Variants in IQGAP2 observed in about 807,000 individuals in gnomAD.
The protein encoded by IQGAP2 is IQ motif containing GTPase activating protein 2.
Under a neutral mutation model 201.3 loss-of-function variants are expected in IQGAP2, and 173 were observed. That is an observed-to-expected ratio of 0.86 (90% CI 0.76 to 0.98). IQGAP2 has a LOEUF of 0.98. Ranked by LOEUF, IQGAP2 falls within the 50% of genes least tolerant of loss-of-function variation. The pLI is 0.00. For missense variants in IQGAP2, 1,687 were observed against 1,864.8 expected (o/e 0.90, Z 1.76); for synonymous variants, 675 against 673.9 (o/e 1.00, Z -0.03).
chr5:76,649,835 C>G (rs1752373582), intron 17 of IQGAP2, among the ~76,000 whole-genome samples: 1 of 152,208 alleles, frequency 6.6e-6, no homozygotes, highest in Non-Finnish European at 1.5e-5. Context: ...AGGCTTCTGC[C>G]TGGACACCCA....
At chr5:76,539,119 G>T (rs1438345614) in intron 2 of IQGAP2, among the ~76,000 whole-genome samples, 1 of 152,198 alleles carries the variant, frequency 6.6e-6, no homozygotes, top group Non-Finnish European at 1.5e-5. Flanking sequence ...TGAGTGTCCT[G>T]GTGCTTGGCC....
At chr5:76,434,400 A>G (rs2150095209) in intron 1 of IQGAP2, among the ~76,000 whole-genome samples, 1 of 152,194 alleles carries the variant, frequency 6.6e-6, no homozygotes, top group Admixed American at 6.5e-5. Flanking sequence ...ATGCCTTTGC[A>G]TACCCATAGC....
At chr5:76,493,312 A>G (rs1334405350) in intron 2 of IQGAP2, among the ~76,000 whole-genome samples, 1 of 143,880 alleles carries the variant, frequency 7.0e-6, no homozygotes, top group Non-Finnish European at 1.5e-5. Flanking sequence ...TCTCCTGCTC[A>G]GCCCAGCCAC....
intron 2 of IQGAP2, among the ~76,000 whole-genome samples, chr5:76,471,745 T>G (rs1268144731): frequency 6.6e-6 from 1 of 152,216 alleles, no homozygotes; most frequent in African/African-American, 2.4e-5. Context: ...GGGGAATACT[T>G]TAGAGAATCC....
chr5:76,665,872 T>C (rs934916429), intron 22 of IQGAP2, among the ~76,000 whole-genome samples: 1 of 152,170 alleles, frequency 6.6e-6, no homozygotes, highest in Non-Finnish European at 1.5e-5. Context: ...GGAAACTGCA[T>C]GATAGCAATA....
chr5:76,526,240 TC>T (rs1472417716), intron 2 of IQGAP2, among the ~76,000 whole-genome samples: 1 of 152,250 alleles, frequency 6.6e-6, no homozygotes, highest in Admixed American at 6.5e-5. Flanking sequence ...CTAGCCTCAC[TC>T]TTTGTGTACA....
intron 1 of IQGAP2, among the ~76,000 whole-genome samples, chr5:76,445,679 G>A (rs2150109298): frequency 6.6e-6 from 1 of 152,216 alleles, no homozygotes; most frequent in African/African-American, 2.4e-5. Context: ...TGGCCAGGCT[G>A]GTCTCGAACT....
chr5:76,492,058 C>A (rs1368094802), intron 2 of IQGAP2, among the ~76,000 whole-genome samples: 1 of 152,128 alleles, frequency 6.6e-6, no homozygotes, highest in Non-Finnish European at 1.5e-5. Flanking sequence ...CTGTTCATGA[C>A]CTTAGTAATA....
chr5:76,705,609 C>A lies in IQGAP2; in HGVS notation c.4615-1591C>A, dbSNP rs528016075. Among the ~76,000 whole-genome samples, 7 of 152,350 alleles carry A rather than the reference C, an allele frequency of 4.6e-5. No homozygotes were observed. The South Asian group carries it at 1.4e-3, about 32-fold the overall frequency. ...AGAGGAAAAGTGAATCTCCTCTACA[C>A]TCTAAATAGCTAAAAGTATTATTGA... On this transcript the variant is annotated intron_variant, in intron 35 of 35. Coordinates refer to ENST00000274364, the MANE Select transcript of IQGAP2 (RefSeq NM_006633.5).
chr5:76,674,679 AT>A lies in IQGAP2; in HGVS notation c.3499del (p.Tyr1167IlefsTer35). The A allele has an allele frequency of 6.2e-7, 1 of 1,613,964 alleles. No homozygotes were observed. Among genetic ancestry groups the A allele is most frequent in the Admixed American group, 1.7e-5 (1 of 60,024 alleles). ...GENEHLSSMN[N>X]YLSETYQEFR... is the part of the protein sequence containing the mutation. The stretch of plus-strand genomic sequence containing the variant: ...AATGAGCATCTCTCATCTATGAACA[AT>A]TATTTATCAGAGACGTATCAGGAAT... On this transcript the variant is annotated frameshift_variant, in exon 27 of 36. Coordinates refer to ENST00000274364, the MANE Select transcript of IQGAP2 (RefSeq NM_006633.5). LOFTEE classifies it high-confidence loss of function.
In IQGAP2 at chr5:76,611,017, T is replaced by G; in HGVS notation, c.1358-3T>G. The G allele has an allele frequency of 1.2e-6, 2 of 1,602,430 alleles. No homozygotes were observed. Among genetic ancestry groups the G allele is most frequent in the Non-Finnish European group, 1.7e-6 (2 of 1,176,408 alleles). ...AAAGGAAAACTACTTCTTCATTTTCTAGGAGTTGTAGCTGTAGGGTACATC... is the reference window on the plus strand; with the variant it reads ...AAAGGAAAACTACTTCTTCATTTTCGAGGAGTTGTAGCTGTAGGGTACATC... On this transcript the variant is annotated splice_polypyrimidine_tract_variant and splice_region_variant and intron_variant, in intron 12 of 35. Transcript: ENST00000274364.
At chr5:76,522,945 G>A (rs1001397274) in intron 2 of IQGAP2, among the ~76,000 whole-genome samples, 9 of 151,880 alleles carry the variant, frequency 5.9e-5, no homozygotes, top group Admixed American at 1.3e-4. Flanking sequence ...AAATGACCCC[G>A]TTTTCTTTCT....
chr5:76,420,831 T>C (rs1580154034), intron 1 of IQGAP2, among the ~76,000 whole-genome samples: 3 of 152,350 alleles, frequency 2.0e-5, no homozygotes, highest in South Asian at 2.1e-4. Flanking sequence ...TTATACAGTA[T>C]TTGGTCTTTT....
chr5:76,474,623 C>T (rs868036967), intron 2 of IQGAP2, among the ~76,000 whole-genome samples: 8 of 152,122 alleles, frequency 5.3e-5, no homozygotes, highest in Non-Finnish European at 7.3e-5. Flanking sequence ...GCTTTTCCTG[C>T]CCCTGGTATT....
intron 22 of IQGAP2, among the ~76,000 whole-genome samples, chr5:76,667,851 A>G (rs1290339382): frequency 7.0e-6 from 1 of 143,352 alleles, no homozygotes; most frequent in African/African-American, 2.7e-5. Context: ...AGGCCAGTCT[A>G]TGTAGCCGGG....
At chr5:76,578,544 C>T (rs1745620919) in intron 5 of IQGAP2, among the ~76,000 whole-genome samples, 1 of 152,160 alleles carries the variant, frequency 6.6e-6, no homozygotes, top group South Asian at 2.1e-4. Context: ...GATCTCTTGA[C>T]CTCGTGATCT....
chr5:76,706,417 G>A (rs1453916034), intron 35 of IQGAP2, among the ~76,000 whole-genome samples: 1 of 151,814 alleles, frequency 6.6e-6, no homozygotes, highest in Non-Finnish European at 1.5e-5. Flanking sequence ...GTGCAATCTC[G>A]GCTCGCTGCA....
chr5:76,429,070 C>A (rs1441576512), intron 1 of IQGAP2, among the ~76,000 whole-genome samples: 2 of 76,462 alleles, frequency 2.6e-5, no homozygotes, highest in African/African-American at 3.7e-5. Flanking sequence ...CAGCGAGACT[C>A]TGTCTCAAAA....
chr5:76,452,207 G>A (rs1437076087), intron 1 of IQGAP2, among the ~76,000 whole-genome samples: 9 of 147,900 alleles, frequency 6.1e-5, no homozygotes, highest in Non-Finnish European at 1.2e-4. Flanking sequence ...GAGCCACCAC[G>A]CCCAGCCCTT....
Sources: gnomAD v4.1 joint callset for allele counts (sites outside exome capture counted in the v4.1 genomes callset) on GRCh38, gnomAD v4.1.1 for gene constraint, MANE v1.5 for transcripts, NCBI Gene and HGNC (gene_info 2026-07-23, HGNC 2026-07-21) for gene names.